The following CD226 variants were observed in gnomAD, a reference collection of about 807,000 sequenced individuals.
CD226 encodes the protein CD226 antigen.
CD226 carries 24 observed loss-of-function variants against 34.9 expected under a neutral mutation model. That is an observed-to-expected ratio of 0.69 (90% CI 0.50 to 0.97). CD226 has a LOEUF of 0.97. Ranked by LOEUF, CD226 falls within the 50% of genes least tolerant of loss-of-function variation. CD226 has a pLI of 0.00. For synonymous variants in CD226, 148 were observed against 147.4 expected (o/e 1.00, Z -0.03); for missense variants, 397 against 412.7 (o/e 0.96, Z 0.33).
At chr18:69,919,029 T>C (rs1448187718) in intron 2 of CD226, among the ~76,000 whole-genome samples, 1 of 152,040 alleles carries the variant, frequency 6.6e-6, no homozygotes, top group East Asian at 1.9e-4. Context: ...GATGAAGAAG[T>C]ATTTAGGAAA....
intron 2 of CD226, among the ~76,000 whole-genome samples, chr18:69,933,286 G>A (rs992542076): frequency 1.3e-5 from 2 of 152,090 alleles, no homozygotes; most frequent in Non-Finnish European, 2.9e-5. Context: ...CCAAAATCTG[G>A]ACCTTCCACC....
Position 69,873,263 on chromosome 18 carries a change from A to C in CD226, c.728-17T>G. 7.4e-7 allele frequency: 1 copy of C among 1,347,760 alleles called. No homozygotes were observed. Among genetic ancestry groups the C allele is most frequent in the South Asian group, 1.2e-5 (1 of 81,604 alleles). 83.5% of individuals were successfully genotyped at this position (1,347,760 alleles called of 1,614,324 possible). On this transcript the variant is annotated splice_polypyrimidine_tract_variant and intron_variant, in intron 3 of 5. Coordinates refer to ENST00000582621, the MANE Select transcript of CD226 (RefSeq NM_001303618.2). ...CGGTTTTACCTAGGAGAGAAAAAAA[A>C]TATTGTAGGAATTAGGAATTCAGCC... is the stretch of plus-strand genomic sequence containing the variant.
At chr18:69,917,574 G>C (rs1430430584) in intron 2 of CD226, among the ~76,000 whole-genome samples, 1 of 152,144 alleles carries the variant, frequency 6.6e-6, no homozygotes, top group Non-Finnish European at 1.5e-5. Flanking sequence ...TTGTGCAGCT[G>C]TTGACTTTTT....
At chr18:69,961,762 C>T (rs2055930632), upstream of CD226, 1 of 152,254 alleles carries the variant, frequency 6.6e-6, no homozygotes, top group African/African-American at 2.4e-5. Flanking sequence ...GCATCAGGCC[C>T]GGGTAAGTGC....
intron 2 of CD226, among the ~76,000 whole-genome samples, chr18:69,943,662 C>A (rs1237372428): frequency 6.6e-6 from 1 of 152,188 alleles, no homozygotes; most frequent in Non-Finnish European, 1.5e-5. Context: ...GTCCCCCAGG[C>A]TGACAGTTAC....
chr18:69,884,360 T>C (rs1295804911), intron 3 of CD226, among the ~76,000 whole-genome samples: 1 of 152,122 alleles, frequency 6.6e-6, no homozygotes, highest in Non-Finnish European at 1.5e-5. Context: ...TGCTCTACTC[T>C]AGAAAGCACC....
chr18:69,959,477 C>T (rs758840462), upstream of CD226, among the ~76,000 whole-genome samples: 3 of 152,190 alleles, frequency 2.0e-5, no homozygotes, highest in Non-Finnish European at 4.4e-5. Flanking sequence ...CAGCTACCTC[C>T]TTCCTCTTTT....
At chr18:69,960,326 C>G (rs189820277), upstream of CD226, among the ~76,000 whole-genome samples, 8 of 151,836 alleles carry the variant, frequency 5.3e-5, no homozygotes, top group East Asian at 1.5e-3. Context: ...TACGAGACCA[C>G]AAGGAAGCAA....
At chr18:69,959,739 A>C (rs151047219), upstream of CD226, among the ~76,000 whole-genome samples, 424 of 152,352 alleles carry the variant, frequency 2.8e-3, 1 homozygote, top group African/African-American at 9.6e-3. Context: ...GTGGAAGGTT[A>C]ATGGGGAACC....
chr18:69,880,381 GGGA>G lies in CD226; in HGVS notation c.728-7138_728-7136del, dbSNP rs1568165068. On this transcript the variant is annotated intron_variant, in intron 3 of 5. Coordinates refer to ENST00000582621, the MANE Select transcript of CD226 (RefSeq NM_001303618.2). ...GAAAGGAAGGAAGGAAGGAAGGAAG[GGGA>G]AAGAAAGAAAGAAGGAGGGAAGGAA... Among the ~76,000 whole-genome samples, 16 of 143,174 alleles carry G rather than the reference GGGA, an allele frequency of 1.1e-4. No individual in the cohort carries two copies. The South Asian group carries it at 1.6e-3, about 14-fold the overall frequency. 93.9% of individuals were successfully genotyped at this position (143,174 alleles called of 152,430 possible). A position where few individuals can be genotyped will look rare whatever the true frequency, so the allele number is the denominator to read the frequency against.
chr18:69,911,235 GAACA>G (rs879350527), intron 2 of CD226, among the ~76,000 whole-genome samples: 6,468 of 152,192 alleles, frequency 0.042, 488 homozygotes, highest in African/African-American at 0.15. Flanking sequence ...GGCTTCAGTG[GAACA>G]GGTTTGGGGT....
At chr18:69,938,956 C>T (rs2055689084) in intron 2 of CD226, among the ~76,000 whole-genome samples, 1 of 152,132 alleles carries the variant, frequency 6.6e-6, no homozygotes, top group Admixed American at 6.5e-5. Flanking sequence ...TGTGATGATG[C>T]AGGCCTGTAA....
intron 3 of CD226, among the ~76,000 whole-genome samples, chr18:69,888,105 C>T (rs370963175): frequency 3.9e-5 from 6 of 152,256 alleles, no homozygotes; most frequent in African/African-American, 1.2e-4. Flanking sequence ...TCAAAGTAAT[C>T]GACTGATTGA....
intron 3 of CD226, among the ~76,000 whole-genome samples, chr18:69,886,428 A>T (rs1290655735): frequency 6.6e-6 from 1 of 152,194 alleles, no homozygotes; most frequent in African/African-American, 2.4e-5. Flanking sequence ...AAATGTGACC[A>T]GGTGCAGTGG....
At chr18:69,898,970 T>C (rs1262108563) in intron 2 of CD226, among the ~76,000 whole-genome samples, 1 of 152,200 alleles carries the variant, frequency 6.6e-6, no homozygotes, top group Non-Finnish European at 1.5e-5. Flanking sequence ...ATAAAACAAA[T>C]ACAAATAATG....
intron 2 of CD226, among the ~76,000 whole-genome samples, chr18:69,897,249 A>AAC (rs1444878722): frequency 6.6e-6 from 1 of 152,228 alleles, no homozygotes; most frequent in East Asian, 1.9e-4. Context: ...TACATAAACA[A>AAC]ACACTCCCTG....
At chr18:69,915,303 T>C (rs1170385490) in intron 2 of CD226, among the ~76,000 whole-genome samples, 5 of 152,186 alleles carry the variant, frequency 3.3e-5, no homozygotes, top group Non-Finnish European at 1.5e-5. Context: ...GTATTTTTAA[T>C]CTAATAAATG....
Position 69,907,635 on chromosome 18 carries a change from C to T in CD226, c.383-11590G>A, listed in dbSNP as rs574976659. ...CTTGAATGTCTTCTTGATAACATGA[C>T]CTGAGTCAATGAAATCTCTCTCATA... On this transcript the variant is annotated intron_variant, in intron 2 of 5. Coordinates refer to ENST00000582621, the MANE Select transcript of CD226 (RefSeq NM_001303618.2). Among the ~76,000 whole-genome samples the T allele has an allele frequency of 9.9e-5, 15 of 152,202 alleles. 1 individual carries two copies. The South Asian group carries it at 2.7e-3, about 27-fold the overall frequency.
intron 1 of CD226, among the ~76,000 whole-genome samples, chr18:69,953,577 G>A (rs936905324): frequency 6.6e-6 from 1 of 152,158 alleles, no homozygotes; most frequent in East Asian, 1.9e-4. Flanking sequence ...TTGGAAGGAG[G>A]GAATAGGGAG....
Sources: allele counts gnomAD v4.1 joint callset (sites outside exome capture counted in the v4.1 genomes callset), GRCh38; gene constraint gnomAD v4.1.1; transcripts MANE v1.5; gene names NCBI Gene and HGNC (gene_info 2026-07-23, HGNC 2026-07-21).